The following METTL16 variants were observed in gnomAD, a reference collection of about 807,000 sequenced individuals.
The protein encoded by METTL16 is methyltransferase 16, RNA N6-adenosine, also known as RNA N(6)-adenosine-methyltransferase METTL16.
In METTL16, 19 loss-of-function variants were observed where a neutral mutation model predicts 57.9. That is an observed-to-expected ratio of 0.33 (90% CI 0.23 to 0.48). The LOEUF (loss-of-function observed/expected upper bound fraction) is 0.48. Ranked by LOEUF, METTL16 falls within the 20% of genes least tolerant of loss-of-function variation. METTL16 has a pLI of 0.99. For synonymous variants in METTL16, 246 were observed against 255.6 expected, an observed-to-expected ratio of 0.96 and a Z score of 0.36; for missense variants, 434 against 691.5, an observed-to-expected ratio of 0.63 and a Z score of 4.18.
chr17:2,421,009 A>G, intron 8 of METTL16, 105 bp from the exon 9 acceptor site: 1 of 1,241,850 alleles, frequency 8.1e-7, no homozygotes, highest in South Asian at 1.4e-5. Context: ...TCTGCTACCA[A>G]TCATAGAGCA....
intron 6 of METTL16, among the ~76,000 whole-genome samples, chr17:2,457,830 A>G (rs761917434): frequency 2.4e-4 from 37 of 152,234 alleles, no homozygotes; most frequent in Admixed American, 5.9e-4. Context: ...ATTCCATTTT[A>G]CCAATGATAA....
At chr17:2,482,478 G>A (rs953812335) in intron 2 of METTL16, among the ~76,000 whole-genome samples, 4 of 152,158 alleles carry the variant, frequency 2.6e-5, no homozygotes, top group African/African-American at 9.7e-5. Flanking sequence ...TACAAACCAC[G>A]ACAACATACA....
chr17:2,426,723 C>T (rs1382829654), intron 8 of METTL16, among the ~76,000 whole-genome samples: 7 of 111,670 alleles, frequency 6.3e-5, no homozygotes, highest in Admixed American at 1.1e-4. Context: ...AGCAAGACTC[C>T]GTCTCAAAAA....
At chr17:2,487,830 C>A (rs2067354812) in intron 2 of METTL16, among the ~76,000 whole-genome samples, 1 of 151,440 alleles carries the variant, frequency 6.6e-6, no homozygotes, top group South Asian at 2.1e-4. Flanking sequence ...AAAAAGAGAC[C>A]CTGTCTCTAC....
chr17:2,509,711 G>A (rs1167206614), intron 1 of METTL16, among the ~76,000 whole-genome samples: 1 of 152,082 alleles, frequency 6.6e-6, no homozygotes, highest in East Asian at 1.9e-4. Context: ...GGCCAACATG[G>A]AGACCATCCT....
chr17:2,492,932 A>T (rs1424799537), intron 2 of METTL16, among the ~76,000 whole-genome samples: 2 of 149,908 alleles, frequency 1.3e-5, no homozygotes, highest in Non-Finnish European at 3.0e-5. Context: ...AAAAAAACAC[A>T]GCTGGAACTG....
intron 7 of METTL16, among the ~76,000 whole-genome samples, chr17:2,441,123 A>G (rs1443695006): frequency 6.6e-6 from 1 of 152,248 alleles, no homozygotes; most frequent in East Asian, 1.9e-4. Flanking sequence ...CTATTCAGCC[A>G]TAAAAAAGAA....
chr17:2,491,837 T>C (rs189578349), intron 2 of METTL16, among the ~76,000 whole-genome samples: 1,319 of 129,912 alleles, frequency 0.01, 18 homozygotes, highest in Middle Eastern at 0.033. Context: ...ATCGCGCCAC[T>C]GCACTCCAGC....
At chr17:2,449,894 C>T (rs2067055661) in intron 6 of METTL16, among the ~76,000 whole-genome samples, 1 of 152,098 alleles carries the variant, frequency 6.6e-6, no homozygotes, top group African/African-American at 2.4e-5. Flanking sequence ...GCGGATACTC[C>T]CTATCACCAG....
chr17:2,459,730 A>G (rs997815999), intron 6 of METTL16, among the ~76,000 whole-genome samples: 1 of 152,192 alleles, frequency 6.6e-6, no homozygotes, highest in Non-Finnish European at 1.5e-5. Context: ...GGCCGGGCGC[A>G]GTGGCTCATG....
intron 2 of METTL16, among the ~76,000 whole-genome samples, chr17:2,479,599 T>C (rs1334413223): frequency 2.0e-5 from 3 of 152,150 alleles, no homozygotes; most frequent in Non-Finnish European, 2.9e-5. Flanking sequence ...CAGCTTCTGG[T>C]CTGTACTATC....
chr17:2,500,159 G>A (rs569642962), intron 2 of METTL16, among the ~76,000 whole-genome samples: 31 of 152,282 alleles, frequency 2.0e-4, no homozygotes, highest in African/African-American at 7.5e-4. Context: ...GGTTATCTTG[G>A]CTTCCAGGTT....
At chr17:2,505,158 TTA>T (rs374204937) in intron 1 of METTL16, among the ~76,000 whole-genome samples, 10 of 151,134 alleles carry the variant, frequency 6.6e-5, no homozygotes, top group South Asian at 2.1e-4. Flanking sequence ...TATTTTACTA[TTA>T]TATATATATA....
intron 8 of METTL16, among the ~76,000 whole-genome samples, chr17:2,421,189 T>TA (rs1457042424): frequency 3.9e-5 from 6 of 151,984 alleles, no homozygotes; most frequent in African/African-American, 7.2e-5. Context: ...CCTCCATCTC[T>TA]AAAAAAACGT....
intron 6 of METTL16, among the ~76,000 whole-genome samples, chr17:2,448,801 T>TAAAAAAAAAA (rs1567889993): frequency 4.2e-5 from 2 of 47,418 alleles, no homozygotes; most frequent in East Asian, 4.1e-4. Context: ...AAAATAAAAT[T>TAAAAAAAAAA]TAAAAAAAAA....
At chr17:2,443,991 A>G (rs1387870808) in intron 6 of METTL16, among the ~76,000 whole-genome samples, 1 of 152,246 alleles carries the variant, frequency 6.6e-6, no homozygotes, top group African/African-American at 2.4e-5. Context: ...GACATATTAC[A>G]TATTTCAAAA....
intron 8 of METTL16, among the ~76,000 whole-genome samples, chr17:2,431,705 T>C (rs548457249): frequency 1.3e-5 from 2 of 152,258 alleles, no homozygotes; most frequent in South Asian, 2.1e-4. Context: ...AACATCCTTT[T>C]TGGTATCTTT....
At chr17:2,432,238 C>G (rs541415840) in intron 8 of METTL16, among the ~76,000 whole-genome samples, 1 of 152,330 alleles carries the variant, frequency 6.6e-6, no homozygotes, top group Non-Finnish European at 1.5e-5. Context: ...GTGTGAGCCA[C>G]CACGCCCAGC....
In METTL16 at chr17:2,416,478, G is replaced by T. The variant is rs572043533; in HGVS notation, c.*3492C>A. ...AAATATATACTAAAGTAATCTACACGAAGCTTAGGATGAGTTGAAAGGGTA... is the reference window on the plus strand; with the variant it reads ...AAATATATACTAAAGTAATCTACACTAAGCTTAGGATGAGTTGAAAGGGTA... On this transcript the variant is annotated 3_prime_UTR_variant, in exon 10 of 10. Coordinates refer to ENST00000263092, the MANE Select transcript of METTL16 (RefSeq NM_024086.4). 6.6e-6 allele frequency: 1 copy of T among 152,172 alleles called. No homozygotes were observed. The highest frequency in any genetic ancestry group is 1.5e-5 in the Non-Finnish European group (1 of 68,046). The allele number at this position is 152,172 out of a possible 1,614,324, so 9.4% of individuals were successfully genotyped here. A position where few individuals can be genotyped will look rare whatever the true frequency, so the allele number is the denominator to read the frequency against.
Sources: gnomAD v4.1 joint callset for allele counts (sites outside exome capture counted in the v4.1 genomes callset) on GRCh38, gnomAD v4.1.1 for gene constraint, MANE v1.5 for transcripts, NCBI Gene and HGNC (gene_info 2026-07-23, HGNC 2026-07-21) for gene names.